ZNF394: variants seen among roughly 807,000 people sequenced by gnomAD.
ZNF394 encodes the protein zinc finger protein 99.
A neutral mutation model predicts 21.8 loss-of-function variants in ZNF394; 19 were observed. The observed-to-expected ratio is 0.87, with a 90% CI of 0.61 to 1.28. The LOEUF is 1.28. Among genes scored for constraint, ZNF394 ranks in the 50% most tolerant of loss-of-function variants. The pLI is 0.00. For missense variants in ZNF394, 683 were observed against 708.6 expected, an observed-to-expected ratio of 0.96 and a Z score of 0.41; for synonymous variants, 294 against 273.3, an observed-to-expected ratio of 1.08 and a Z score of -0.75.
At chr7:99,492,401 A>G (rs887024354), downstream of ZNF394, among the ~76,000 whole-genome samples, 13 of 151,928 alleles carry the variant, frequency 8.6e-5, no homozygotes, top group African/African-American at 2.4e-4. Context: ...GCACTTTGGG[A>G]GGCTGAGGTG....
chr7:99,498,812 A>G lies in ZNF394; in HGVS notation c.487T>C (p.Ser163Pro), dbSNP rs1229138157. The stretch of plus-strand genomic sequence containing the variant: ...CGCTCCCACTCCTCCCAGGTTAGAG[A>G]CACAGCCGTGTCCTCGAAAGTCACC... ...GMVTFEDTAV[S>P]LTWEEWERLD... is the part of the protein sequence containing the mutation. The change falls in exon 2 of 3, where the codon TCT becomes CCT. Residue 163 changes from serine to proline, a missense_variant. This residue lies in a region of ZNF394 where 402 missense variants were observed against 373.8 expected (regional missense o/e 1.08). Transcript: ENST00000337673. 1.2e-6 allele frequency: 2 copies of G among 1,613,954 alleles called. No homozygotes were observed. Among genetic ancestry groups the G allele is most frequent in the Admixed American group, 1.7e-5 (1 of 59,982 alleles).
In ZNF394 at chr7:99,499,787, T is replaced by G; in HGVS notation, c.307A>C (p.Ile103Leu). 1 of 1,614,162 alleles carries G rather than the reference T, an allele frequency of 6.2e-7. No homozygotes were observed. Among genetic ancestry groups the G allele is most frequent in the Non-Finnish European group, 8.5e-7 (1 of 1,180,024 alleles). The stretch of plus-strand genomic sequence containing the variant: ...TGCTCCAGCACCAGCAGCTCCAGGA[T>G]CTGCTCCTTGGAGAGCAGCTCGGGT... ...LRPELLSKEQ[I>L]LELLVLEQFL... Residue 103 changes from isoleucine (I) to leucine (L), a missense_variant, in exon 1 of 3, where the codon ATC (isoleucine) becomes CTC (leucine). This residue lies in a region of ZNF394 where 402 missense variants were observed against 373.8 expected (regional missense o/e 1.08). Transcript: ENST00000337673.
intron 1 of ZNF394, chr7:99,487,505 G>C (rs759229660): frequency 1.6e-5 from 26 of 1,596,260 alleles, no homozygotes; most frequent in Non-Finnish European, 2.2e-5. Flanking sequence ...TTGGAAAGCA[G>C]TCATTGGAGA....
intron 2 of ZNF394, among the ~76,000 whole-genome samples, chr7:99,497,122 GTATATATATATATA>G (rs1206330509): frequency 5.0e-5 from 4 of 79,466 alleles, no homozygotes; most frequent in African/African-American, 2.9e-4. Flanking sequence ...GTGTGTGTGT[GTATATATATATATA>G]TATATGTATA....
In ZNF394 at chr7:99,487,049, C is replaced by T. The variant is rs1263412953; in HGVS notation, n.84-86G>A. ...CTTGTTGAACATAAGAGGATTCACA[C>T]CAAAGAAAAACCTTATAAATGTAGC... is the stretch of plus-strand genomic sequence containing the variant. On this transcript the variant is annotated intron_variant and non_coding_transcript_variant, in intron 1 of 1. Transcript: ENST00000462024. 3.7e-6 allele frequency: 6 copies of T among 1,613,834 alleles called. No homozygotes were observed. In the African/African-American group the frequency reaches 8.0e-5, roughly 22 times the overall value.
Position 99,494,256 on chromosome 7 carries a change from C to T in ZNF394, c.959G>A (p.Ser320Asn). The change falls in exon 3 of 3, where the codon AGT (serine) becomes AAT (asparagine). Residue 320 changes from serine (S) to asparagine (N), a missense_variant. Around this residue, in one of 3 missense-constraint regions of ZNF394, gnomAD observed 274 missense variants for 314.1 expected, o/e 0.87. Coordinates refer to ENST00000337673, the MANE Select transcript of ZNF394 (RefSeq NM_032164.4). The part of the protein sequence containing the change: ...SEEHGNKCKQ[S>N]FHMVTWHVLK... ...CACGTGCCACGTCACCATGTGGAAA[C>T]TTTGCTTGCACTTGTTCCCGTGTTC... 2 of 1,614,260 alleles carry T rather than the reference C, an allele frequency of 1.2e-6. No individual in the cohort carries two copies. The highest frequency in any genetic ancestry group is 1.7e-6 in the Non-Finnish European group (2 of 1,180,054).
At chr7:99,497,610 T>A (rs1371251754) in intron 2 of ZNF394, among the ~76,000 whole-genome samples, 1 of 151,982 alleles carries the variant, frequency 6.6e-6, no homozygotes, top group African/African-American at 2.4e-5. Flanking sequence ...ACACCTGTAA[T>A]CCCAGCACTT....
chr7:99,488,821 G>A (rs1358710055), downstream of ZNF394, among the ~76,000 whole-genome samples: 1 of 151,240 alleles, frequency 6.6e-6, no homozygotes, highest in African/African-American at 2.4e-5. Context: ...CCAGCTGCTT[G>A]GGAGGCTGAG....
At chr7:99,487,114 C>T (rs764652127) in intron 1 of ZNF394, 12 of 1,614,004 alleles carry the variant, frequency 7.4e-6, no homozygotes, top group South Asian at 1.1e-5. Flanking sequence ...AACCCTTATT[C>T]GACATCAGGT....
chr7:99,495,765 CA>C (rs1348287343), intron 2 of ZNF394, among the ~76,000 whole-genome samples: 1 of 150,554 alleles, frequency 6.6e-6, no homozygotes, highest in Non-Finnish European at 1.5e-5. Context: ...GGATTACAGG[CA>C]ACGTGCCACC....
chr7:99,487,363 T>C (rs747023358), intron 1 of ZNF394: 2 of 1,614,242 alleles, frequency 1.2e-6, no homozygotes, highest in South Asian at 2.2e-5. Flanking sequence ...GAGGAATCTT[T>C]TTCGACATCA....
chr7:99,493,194 G>C (rs1356811328), downstream of ZNF394: 2 of 1,052,034 alleles, frequency 1.9e-6, no homozygotes, highest in East Asian at 1.6e-4. Context: ...CAAATGGCAA[G>C]GAATGTGGTT....
intron 2 of ZNF394, among the ~76,000 whole-genome samples, chr7:99,497,112 G>GTATATA (rs1189029640): frequency 1.3e-4 from 15 of 117,368 alleles, no homozygotes; most frequent in African/African-American, 6.1e-4. Context: ...GTGTGTGTGT[G>GTATATA]TGTGTGTGTG....
chr7:99,489,947 G>A (rs1034103111), downstream of ZNF394, among the ~76,000 whole-genome samples: 9 of 151,976 alleles, frequency 5.9e-5, no homozygotes, highest in Admixed American at 5.9e-4. Context: ...GGAGGTTGCA[G>A]GGAGCCAAGA....
At chr7:99,497,155 T>TATA (rs1285527600) in intron 2 of ZNF394, among the ~76,000 whole-genome samples, 1 of 132,612 alleles carries the variant, frequency 7.5e-6, no homozygotes, top group East Asian at 2.3e-4. Flanking sequence ...TATATATATA[T>TATA]AAAATGTTTT....
chr7:99,499,698 C>A lies in ZNF394; in HGVS notation c.396G>T (p.Gly132=). 2 of 1,612,956 alleles carry A rather than the reference C, an allele frequency of 1.2e-6. No homozygotes were observed. The highest frequency in any genetic ancestry group is 2.2e-5 in the South Asian group (2 of 91,068). ...AWVREHCPES[G]EEAVAVVRAL... ...CCCGCACCACGGCCACCGCCTCCTC[C>A]CCGCTCTCTGGGCAGTGCTCTCGCA... Residue 132 remains glycine (G), a synonymous_variant, in exon 1 of 3, where the codon GGG becomes GGT. Transcript: ENST00000337673.
intron 2 of ZNF394, chr7:99,498,384 G>C (rs1029910316): frequency 4.3e-6 from 1 of 230,414 alleles, no homozygotes; most frequent in Non-Finnish European, 8.9e-6. Context: ...GTTTCAGGGA[G>C]GCTATGTGGG....
chr7:99,493,809 T>A lies in ZNF394; in HGVS notation c.1406A>T (p.Tyr469Phe), dbSNP rs780777534. Reference sequence around the variant, plus strand: ...GCTCTTCTCGCATTCTTCACACTTATAGGGTCTTTCCCCTTTATGTAGTCT... The same window carrying A: ...GCTCTTCTCGCATTCTTCACACTTAAAGGGTCTTTCCCCTTTATGTAGTCT... The part of the protein sequence containing the change: ...HQRLHKGERP[Y>F]KCEECEKSFK... The change falls in exon 3 of 3, where the codon TAT becomes TTT. Residue 469 changes from tyrosine to phenylalanine, a missense_variant. Tyr to Phe is a conservative substitution (Grantham distance 22). Coordinates refer to ENST00000337673, the MANE Select transcript of ZNF394 (RefSeq NM_032164.4). 1 of 1,614,112 alleles carries A rather than the reference T, an allele frequency of 6.2e-7. No individual in the cohort carries two copies. Among genetic ancestry groups the A allele is most frequent in the Non-Finnish European group, 8.5e-7 (1 of 1,180,022 alleles).
At position 99,499,491 on chromosome 7, in the gene ZNF394, C is replaced by G. The variant is rs906067184; in HGVS notation, c.456+147G>C. 1.3e-5 allele frequency: 9 copies of G among 685,688 alleles called. No individual in the cohort carries two copies. In the African/African-American group the frequency reaches 1.6e-4, roughly 12 times the overall value. The allele number at this position is 685,688 out of a possible 1,614,324, so 42.5% of individuals were successfully genotyped here. A position where few individuals can be genotyped will look rare whatever the true frequency, so the allele number is the denominator to read the frequency against. ...ATAACAAGTCATTTCCTGGATGGAT[C>G]TGTCACTGTGGCCTACAGAAAGGAA... On this transcript the variant is annotated intron_variant, in intron 1 of 2. Transcript: ENST00000337673.
Sources: allele counts gnomAD v4.1 joint callset (sites outside exome capture counted in the v4.1 genomes callset), GRCh38; gene constraint gnomAD v4.1.1; regional missense constraint gnomAD v4.1.1; transcripts MANE v1.5; gene names NCBI Gene and HGNC (gene_info 2026-07-23, HGNC 2026-07-21).